Variants in EXD3 observed in about 807,000 individuals in gnomAD.
EXD3 encodes exonuclease 3'-5' domain containing 3, also known as exonuclease mut-7 homolog.
Under a neutral mutation model 98.0 loss-of-function variants are expected in EXD3, and 92 were observed. The ratio of observed to expected loss-of-function variants is 0.94; its 90% CI spans 0.79 to 1.12. The LOEUF is 1.12. Among genes scored for constraint, EXD3 ranks in the 50% most tolerant of loss-of-function variants. The pLI is 0.00. For missense variants in EXD3, 1,222 were observed against 1,191.6 expected, an observed-to-expected ratio of 1.03 and a Z score of -0.38; for synonymous variants, 569 against 526.0, an observed-to-expected ratio of 1.08 and a Z score of -1.12.
intron 1 of EXD3, among the ~76,000 whole-genome samples, chr9:137,411,744 GGGGAGTGGGA>G (rs1838014173): frequency 6.8e-6 from 1 of 146,606 alleles, no homozygotes; most frequent in Admixed American, 6.7e-5. Flanking sequence ...GGAGGGGGTG[GGGGAGTGGGA>G]GGGAGTCGGG....
chr9:137,354,389 A>G lies in EXD3; in HGVS notation c.832-12T>C. The G allele has an allele frequency of 6.2e-7, 1 of 1,612,290 alleles. No homozygotes were observed. Among genetic ancestry groups the G allele is most frequent in the Non-Finnish European group, 8.5e-7 (1 of 1,179,644 alleles). ...TGTGACAGGCTCTTCTGCAAAGGCA[A>G]ACAGGAAGGGGCGGTTGCCAGGCAG... On this transcript the variant is annotated splice_polypyrimidine_tract_variant and intron_variant, in intron 9 of 21. Coordinates refer to ENST00000340951, the MANE Select transcript of EXD3 (RefSeq NM_017820.5).
chr9:137,310,727 T>TGGGTGCCCACTGAGAGCC (rs1831314707), intron 19 of EXD3, among the ~76,000 whole-genome samples: 1 of 152,200 alleles, frequency 6.6e-6, no homozygotes, highest in African/African-American at 2.4e-5. Context: ...AGGAGGGGGC[T>TGGGTGCCCACTGAGAGCC]GGGTGCCCAC....
At chr9:137,367,612 A>T (rs891817105) in intron 6 of EXD3, 2 of 305,580 alleles carry the variant, frequency 6.5e-6, no homozygotes, top group Non-Finnish European at 1.2e-5. Flanking sequence ...GGAGGGTCCC[A>T]GAAGCACATG....
intron 5 of EXD3, among the ~76,000 whole-genome samples, chr9:137,370,354 G>C (rs532856150): frequency 1.3e-5 from 2 of 152,302 alleles, no homozygotes; most frequent in Admixed American, 6.5e-5. Context: ...CCTGGCCCCA[G>C]AGCCAGGCCC....
At position 137,309,713 on chromosome 9, in the gene EXD3, G is replaced by A. The variant is rs759241963; in HGVS notation, c.2185-13C>T. ...CACAGTTACAGGCCTGGGGGCCAGA[G>A]GGGGTGCTGAGGCCCAGGCGGGGCT... On this transcript the variant is annotated splice_polypyrimidine_tract_variant and intron_variant, in intron 19 of 21. Transcript: ENST00000340951. 2.6e-6 allele frequency: 4 copies of A among 1,549,086 alleles called. No individual in the cohort carries two copies. The highest frequency in any genetic ancestry group is 3.5e-6 in the Non-Finnish European group (4 of 1,145,972).
At chr9:137,419,584 G>A (rs988288268) in intron 1 of EXD3, among the ~76,000 whole-genome samples, 1 of 151,832 alleles carries the variant, frequency 6.6e-6, no homozygotes, top group Non-Finnish European at 1.5e-5. Context: ...CAGGAGAATC[G>A]CTTGAACCTG....
At position 137,395,213 on chromosome 9, in the gene EXD3, T is replaced by C. The variant is rs1049464710; in HGVS notation, c.55+90A>G. The C allele has an allele frequency of 8.1e-7, 1 of 1,229,104 alleles. No individual in the cohort carries two copies. The highest frequency in any genetic ancestry group is 2.3e-5 in the East Asian group (1 of 42,928). 76.1% of individuals were successfully genotyped at this position (1,229,104 alleles called of 1,614,324 possible). ...CAGCAGCCTGGCCCTCGTCACTGAG[T>C]ACACAGTGGGCGCCACCACCCCCCA... On this transcript the variant is annotated intron_variant, in intron 2 of 21. Coordinates refer to ENST00000340951, the MANE Select transcript of EXD3 (RefSeq NM_017820.5). The surrounding 1 kb of genome is among the most constrained non-coding windows in gnomAD (Gnocchi z 6.5).
At chr9:137,366,450 G>A (rs1396420759) in intron 7 of EXD3, 43 bp downstream of exon 7, 48 of 1,532,668 alleles carry the variant, frequency 3.1e-5, no homozygotes, top group Non-Finnish European at 3.7e-5. Context: ...AGGGCTCCCA[G>A]GATGCCATCT....
intron 1 of EXD3, among the ~76,000 whole-genome samples, chr9:137,412,049 C>T (rs1024573598): frequency 2.2e-4 from 34 of 152,292 alleles, no homozygotes; most frequent in African/African-American, 7.5e-4. Context: ...CCCAGGCTCC[C>T]CCACCCCCAC....
rs1588322521 is a variant in EXD3 at position 137,351,387 on chromosome 9, C to T, written c.1315G>A (p.Gly439Arg). 1.2e-6 allele frequency: 2 copies of T among 1,610,724 alleles called. No homozygotes were observed. The highest frequency in any genetic ancestry group is 1.7e-6 in the Non-Finnish European group (2 of 1,179,236). The change falls in exon 13 of 22, where the codon GGG becomes AGG. Residue 439 changes from glycine (G) to arginine (R), a missense_variant. Coordinates refer to ENST00000340951, the MANE Select transcript of EXD3 (RefSeq NM_017820.5). ...DVLALSQPPT[G>R]QGAQAFSRLV... The stretch of plus-strand genomic sequence containing the variant: ...CGGGAAAAGGCCTGGGCTCCCTGCC[C>T]TGTTGGTGGCTGCGAGAGTGCCAGG...
Position 137,353,040 on chromosome 9 carries a change from C to A in EXD3, c.871-254G>T, listed in dbSNP as rs547147496. The stretch of plus-strand genomic sequence containing the variant: ...TGTAGCCCCGGCTGGCCTTCCGGGT[C>A]TCCAAGCCTGAGGTGAAGGCTGCCC... On this transcript the variant is annotated intron_variant, in intron 10 of 21. Transcript: ENST00000340951. 79 of 1,323,864 alleles carry A rather than the reference C, an allele frequency of 6.0e-5. 2 individuals are homozygous for A. In the East Asian group the frequency reaches 2.6e-3, roughly 44 times the overall value. 82.0% of individuals were successfully genotyped at this position (1,323,864 alleles called of 1,614,324 possible).
intron 2 of EXD3, among the ~76,000 whole-genome samples, chr9:137,391,397 A>G (rs1402244348): frequency 6.6e-6 from 1 of 152,044 alleles, no homozygotes; most frequent in African/African-American, 2.4e-5. Context: ...AGCAGGCCCA[A>G]GCTGTAGGGC....
intron 19 of EXD3, among the ~76,000 whole-genome samples, chr9:137,316,910 C>G (rs957684413): frequency 6.6e-6 from 1 of 152,080 alleles, no homozygotes; most frequent in African/African-American, 2.4e-5. Flanking sequence ...CAGGGGAGCT[C>G]TATGTGGGAG....
intron 1 of EXD3, among the ~76,000 whole-genome samples, chr9:137,416,761 C>A (rs901346227): frequency 6.6e-6 from 1 of 152,052 alleles, no homozygotes; most frequent in Non-Finnish European, 1.5e-5. Flanking sequence ...GGATCAACAC[C>A]AAGGGTCGGT....
intron 19 of EXD3, among the ~76,000 whole-genome samples, chr9:137,317,040 A>G (rs1831709818): frequency 1.3e-5 from 2 of 152,078 alleles, no homozygotes; most frequent in Non-Finnish European, 2.9e-5. Flanking sequence ...TCTCCTGCTC[A>G]GCCTGACAGG....
At chr9:137,390,857 G>A (rs547402291) in intron 2 of EXD3, among the ~76,000 whole-genome samples, 3 of 152,222 alleles carry the variant, frequency 2.0e-5, no homozygotes, top group East Asian at 1.9e-4. Flanking sequence ...AGAAAGGCCC[G>A]GGAGCCTCCT....
chr9:137,324,064 A>G lies in EXD3; in HGVS notation c.2052+26T>C, dbSNP rs778486964. On this transcript the variant is annotated intron_variant, in intron 18 of 21. Transcript: ENST00000340951. This position sits in a 1 kb window ranked among gnomAD's most constrained non-coding sequence, Gnocchi z 4.1. ...GCTTGGGAAGATGGGGCTCAGGCCC[A>G]CTGAGCTTATCTTTGGGACACTCAC... is the stretch of plus-strand genomic sequence containing the variant. 2 of 1,573,950 alleles carry G rather than the reference A, an allele frequency of 1.3e-6. No individual in the cohort carries two copies. The highest frequency in any genetic ancestry group is 1.7e-6 in the Non-Finnish European group (2 of 1,160,036).
Position 137,394,535 on chromosome 9 carries a change from C to CCTCCCAGCCTCCGCTTCCCTAACCCT in EXD3, c.55+767_55+768insAGGGTTAGGGAAGCGGAGGCTGGGAG, listed in dbSNP as rs1837109236. Among the ~76,000 whole-genome samples, 18 of 101,712 alleles carry CCTCCCAGCCTCCGCTTCCCTAACCCT rather than the reference C, an allele frequency of 1.8e-4. 1 individual carries two copies. The highest frequency in any genetic ancestry group is 4.6e-4 in the Admixed American group (5 of 10,934). 66.7% of individuals were successfully genotyped at this position (101,712 alleles called of 152,430 possible). ...CTCCCAGCCTCCGCTTCCCTAACCCCGGCCTCCCAGCCTCCGCTTCCCTAA... is the reference window on the plus strand; with the variant it reads ...CTCCCAGCCTCCGCTTCCCTAACCCCCTCCCAGCCTCCGCTTCCCTAACCCTGGCCTCCCAGCCTCCGCTTCCCTAA... On this transcript the variant is annotated intron_variant, in intron 2 of 21. Coordinates refer to ENST00000340951, the MANE Select transcript of EXD3 (RefSeq NM_017820.5).
Position 137,347,475 on chromosome 9 carries a change from G to T in EXD3, c.1998+596C>A, listed in dbSNP as rs1188261683. Among the ~76,000 whole-genome samples the T allele has an allele frequency of 6.6e-6, 1 of 151,416 alleles. No individual in the cohort carries two copies. The highest frequency in any genetic ancestry group is 1.9e-4 in the East Asian group (1 of 5,160). On this transcript the variant is annotated intron_variant, in intron 17 of 21. Transcript: ENST00000340951. The surrounding 1 kb of genome is among the most constrained non-coding windows in gnomAD (Gnocchi z 4.2). ...TCTTTTTTTTTTAAGATGGAGTCTT[G>T]CTCTGTCAGCCAGGCTGGAGTGCAG...
Sources: allele counts gnomAD v4.1 joint callset (sites outside exome capture counted in the v4.1 genomes callset), GRCh38; gene constraint gnomAD v4.1.1; non-coding constraint Gnocchi (gnomAD v3.1); transcripts MANE v1.5; gene names NCBI Gene and HGNC (gene_info 2026-07-23, HGNC 2026-07-21).